The following LAMA2 variants were observed in gnomAD, a reference collection of about 807,000 sequenced individuals.
LAMA2 encodes the protein laminin subunit alpha-2.
LAMA2 carries 269 observed loss-of-function variants against 364.8 expected under a neutral mutation model. The ratio of observed to expected loss-of-function variants is 0.74; its 90% CI spans 0.67 to 0.82. The LOEUF (loss-of-function observed/expected upper bound fraction) is 0.82, where lower values mean the gene tolerates loss of function less well. Ranked by LOEUF, LAMA2 falls within the 40% of genes least tolerant of loss-of-function variation. The pLI is 0.00. For synonymous variants in LAMA2, 1,379 were observed against 1,370.6 expected, an observed-to-expected ratio of 1.01 and a Z score of -0.14; for missense variants, 3,807 against 3,873.2, an observed-to-expected ratio of 0.98 and a Z score of 0.45.
chr6:129,062,923 T>C (rs1789029742), intron 3 of LAMA2, among the ~76,000 whole-genome samples: 1 of 151,692 alleles, frequency 6.6e-6, no homozygotes, highest in South Asian at 2.1e-4. Context: ...TTTTTTTTTT[T>C]TTTTTTTTAC....
intron 37 of LAMA2, among the ~76,000 whole-genome samples, chr6:129,394,254 A>G (rs2437094): frequency 0.7 from 105,627 of 151,972 alleles, 36,981 homozygotes; most frequent in Non-Finnish European, 0.72. Flanking sequence ...AGACCTATAC[A>G]TCTTCTAACA....
chr6:128,964,862 T>C (rs1040636482), intron 1 of LAMA2, among the ~76,000 whole-genome samples: 2 of 152,082 alleles, frequency 1.3e-5, no homozygotes, highest in African/African-American at 4.8e-5. Flanking sequence ...TTTGGGTTGC[T>C]GGGTAAATGA....
At chr6:129,331,687 T>G (rs1219816346) in intron 29 of LAMA2, among the ~76,000 whole-genome samples, 2 of 151,822 alleles carry the variant, frequency 1.3e-5, no homozygotes, top group African/African-American at 2.4e-5. Context: ...AAAAACAAAC[T>G]CTCCTGACTC....
chr6:129,070,777 G>C (rs570085384), intron 3 of LAMA2, among the ~76,000 whole-genome samples: 1 of 152,060 alleles, frequency 6.6e-6, no homozygotes, highest in Non-Finnish European at 1.5e-5. Context: ...GTGAAGTTTT[G>C]ACGTTTTGTC....
At chr6:129,505,924 A>G (rs1044410339) in intron 61 of LAMA2, among the ~76,000 whole-genome samples, 4 of 152,206 alleles carry the variant, frequency 2.6e-5, no homozygotes, top group African/African-American at 9.7e-5. Flanking sequence ...TGGTTTGAAT[A>G]CCTATTTAAC....
chr6:129,223,122 C>T (rs1417278078), intron 12 of LAMA2, among the ~76,000 whole-genome samples: 4 of 152,018 alleles, frequency 2.6e-5, no homozygotes, highest in Non-Finnish European at 5.9e-5. Context: ...CATGTGTCTG[C>T]TGGCTGCATC....
At chr6:129,252,447 T>A (rs1291302557) in intron 14 of LAMA2, 152 bp downstream of exon 14, 1 of 663,344 alleles carries the variant, frequency 1.5e-6, no homozygotes, top group African/African-American at 1.8e-5. Flanking sequence ...GAAAGATTTT[T>A]CTCTTAAACC....
intron 12 of LAMA2, among the ~76,000 whole-genome samples, chr6:129,244,014 AG>A (rs932579489): frequency 6.6e-6 from 1 of 152,046 alleles, no homozygotes; most frequent in African/African-American, 2.4e-5. Flanking sequence ...GTTTTCCTCG[AG>A]GTTTTTTATT....
chr6:129,059,094 T>C (rs1788699880), intron 2 of LAMA2, among the ~76,000 whole-genome samples: 1 of 152,138 alleles, frequency 6.6e-6, no homozygotes, highest in African/African-American at 2.4e-5. Flanking sequence ...AGAGGAAACT[T>C]TTCCTCCTGG....
Position 129,353,337 on chromosome 6 carries a change from G to T in LAMA2, c.4697G>T (p.Arg1566Leu). ...KCDGCKHWHA[R>L]EGWECVFCGD... Reference sequence around the variant, plus strand: ...GACGGCTGCAAGCACTGGCATGCACGCGAGGGCTGGGAGTGTGTTTGTACG... The same window carrying T: ...GACGGCTGCAAGCACTGGCATGCACTCGAGGGCTGGGAGTGTGTTTGTACG... The change falls in exon 32 of 65, where the codon CGC (arginine) becomes CTC (leucine). Residue 1566 changes from arginine to leucine, a missense_variant. Arg to Leu is a moderately radical substitution (Grantham distance 102, BLOSUM62 -2). This residue lies in a region of LAMA2 where 3,333 missense variants were observed against 3,345.7 expected (regional missense o/e 1.00). Coordinates refer to ENST00000421865, the MANE Select transcript of LAMA2 (RefSeq NM_000426.4). The T allele has an allele frequency of 6.2e-7, 1 of 1,613,978 alleles. No homozygotes were observed. Among genetic ancestry groups the T allele is most frequent in the Non-Finnish European group, 8.5e-7 (1 of 1,179,920 alleles).
At chr6:129,244,465 T>A (rs984055975) in intron 12 of LAMA2, among the ~76,000 whole-genome samples, 3 of 152,220 alleles carry the variant, frequency 2.0e-5, no homozygotes, top group Admixed American at 2.0e-4. Context: ...GACAGATATG[T>A]TTAATTTATC....
intron 9 of LAMA2, among the ~76,000 whole-genome samples, chr6:129,174,878 T>G (rs1403005493): frequency 6.6e-6 from 1 of 152,202 alleles, no homozygotes; most frequent in Non-Finnish European, 1.5e-5. Context: ...TTTAATTTTA[T>G]TCTGTATCTT....
At chr6:129,414,306 T>G (rs1275342147) in intron 40 of LAMA2, among the ~76,000 whole-genome samples, 2 of 152,028 alleles carry the variant, frequency 1.3e-5, no homozygotes, top group African/African-American at 2.4e-5. Flanking sequence ...GAAGAAAAAT[T>G]TCCTCAGCTT....
At chr6:129,040,429 T>G (rs938325690) in intron 1 of LAMA2, among the ~76,000 whole-genome samples, 1 of 151,974 alleles carries the variant, frequency 6.6e-6, no homozygotes, top group African/African-American at 2.4e-5. Flanking sequence ...GAGATAAACT[T>G]GGGCAACAGA....
At chr6:129,022,835 A>G (rs1785529556) in intron 1 of LAMA2, among the ~76,000 whole-genome samples, 1 of 152,172 alleles carries the variant, frequency 6.6e-6, no homozygotes, top group African/African-American at 2.4e-5. Flanking sequence ...TCAAAATACT[A>G]TTATCCCCAA....
chr6:129,361,354 CAT>C (rs1211977461), intron 32 of LAMA2, among the ~76,000 whole-genome samples: 3 of 152,204 alleles, frequency 2.0e-5, no homozygotes, highest in South Asian at 2.1e-4. Context: ...ATCTGAATCA[CAT>C]GTGCAAAACT....
chr6:129,251,072 C>CTATA (rs1786187013), intron 13 of LAMA2, among the ~76,000 whole-genome samples: 17 of 65,076 alleles, frequency 2.6e-4, no homozygotes, highest in East Asian at 7.4e-4. Context: ...CTCTCTCTCT[C>CTATA]TCTCTATATA....
At chr6:129,218,573 C>T (rs1206045683) in intron 12 of LAMA2, among the ~76,000 whole-genome samples, 1 of 152,036 alleles carries the variant, frequency 6.6e-6, no homozygotes, top group Non-Finnish European at 1.5e-5. Flanking sequence ...TTTTCAGTAA[C>T]ATTCATTAAA....
At chr6:129,158,334 A>T (rs2114982590) in intron 8 of LAMA2, 3 of 1,613,980 alleles carry the variant, frequency 1.9e-6, no homozygotes, top group East Asian at 2.2e-5. Flanking sequence ...AGTGGTAAAG[A>T]ATACTTTCAC....
Sources: gnomAD v4.1 joint callset for allele counts (sites outside exome capture counted in the v4.1 genomes callset) on GRCh38, gnomAD v4.1.1 for gene constraint, gnomAD v4.1.1 regional missense constraint, MANE v1.5 for transcripts, NCBI Gene and HGNC (gene_info 2026-07-23, HGNC 2026-07-21) for gene names.